The following YAF2 variants were observed in gnomAD, a reference collection of about 807,000 sequenced individuals.
YAF2 encodes YY1 associated factor 2.
A neutral mutation model predicts 20.1 loss-of-function variants in YAF2; 7 were observed. The ratio of observed to expected loss-of-function variants is 0.35; its 90% CI spans 0.20 to 0.65. The LOEUF (loss-of-function observed/expected upper bound fraction) is 0.65, where lower values mean the gene tolerates loss of function less well. Ranked by LOEUF, YAF2 falls within the 30% of genes least tolerant of loss-of-function variation. YAF2 has a pLI of 0.69. For synonymous variants in YAF2, 74 were observed against 76.0 expected, an observed-to-expected ratio of 0.97 and a Z score of 0.14; for missense variants, 151 against 219.2, an observed-to-expected ratio of 0.69 and a Z score of 1.96.
Position 42,230,289 on chromosome 12 carries a change from G to GAAGA in YAF2, c.152+7306_152+7309dup, listed in dbSNP as rs370911719. Among the ~76,000 whole-genome samples, 322 of 150,532 alleles carry GAAGA rather than the reference G, an allele frequency of 2.1e-3. 1 individual carries two copies. Among genetic ancestry groups the GAAGA allele is most frequent in the African/African-American group, 7.3e-3 (298 of 40,836 alleles). ...AGAAAGAGAAGAAAGAGAAGAAAGAGAAGAAAGAAAGAAAGAGAAAGAAAA... is the reference window on the plus strand; with the variant it reads ...AGAAAGAGAAGAAAGAGAAGAAAGAGAAGAAAGAAAGAAAGAAAGAGAAAGAAAA... On this transcript the variant is annotated intron_variant, in intron 2 of 3. Transcript: ENST00000534854.
intron 2 of YAF2, among the ~76,000 whole-genome samples, chr12:42,179,267 C>T (rs143112872): frequency 0.011 from 1,602 of 152,234 alleles, 29 homozygotes; most frequent in African/African-American, 0.037. Flanking sequence ...GTCAGGAGTT[C>T]GAGATCAGCC....
intron 2 of YAF2, among the ~76,000 whole-genome samples, chr12:42,202,931 C>T (rs2066938896): frequency 6.6e-6 from 1 of 152,094 alleles, no homozygotes; most frequent in Non-Finnish European, 1.5e-5. Context: ...GCCACCATGC[C>T]CGGGGCTAAA....
intron 2 of YAF2, among the ~76,000 whole-genome samples, chr12:42,179,927 T>C (rs2066300138): frequency 6.6e-6 from 1 of 152,162 alleles, no homozygotes; most frequent in Admixed American, 6.5e-5. Flanking sequence ...CCATGCCTAG[T>C]TTTAGCTAAA....
At chr12:42,169,711 C>T (rs904695025) in intron 2 of YAF2, among the ~76,000 whole-genome samples, 1 of 152,030 alleles carries the variant, frequency 6.6e-6, no homozygotes, top group Non-Finnish European at 1.5e-5. Flanking sequence ...CCGTGCCCAG[C>T]CAACTTCTTC....
intron 2 of YAF2, among the ~76,000 whole-genome samples, chr12:42,167,421 G>T (rs1281163558): frequency 6.6e-6 from 1 of 152,064 alleles, no homozygotes; most frequent in Non-Finnish European, 1.5e-5. Flanking sequence ...GGACCAAAAG[G>T]TCCATATGGT....
At chr12:42,203,624 T>C (rs894457199) in intron 2 of YAF2, among the ~76,000 whole-genome samples, 3 of 152,014 alleles carry the variant, frequency 2.0e-5, no homozygotes, top group Non-Finnish European at 4.4e-5. Flanking sequence ...TAACATATAG[T>C]TTTACTAAAT....
At chr12:42,197,058 A>G (rs536881873) in intron 2 of YAF2, among the ~76,000 whole-genome samples, 106 of 152,374 alleles carry the variant, frequency 7.0e-4, no homozygotes, top group African/African-American at 2.3e-3. Context: ...GTAAATGTTT[A>G]GTGATGAGCT....
intron 2 of YAF2, among the ~76,000 whole-genome samples, chr12:42,167,185 T>A (rs2065935898): frequency 6.6e-6 from 1 of 152,056 alleles, no homozygotes; most frequent in Non-Finnish European, 1.5e-5. Context: ...AAATACCTAA[T>A]GCATGCGGGG....
chr12:42,221,492 G>C (rs2137305003), intron 2 of YAF2, among the ~76,000 whole-genome samples: 1 of 152,200 alleles, frequency 6.6e-6, no homozygotes, highest in Non-Finnish European at 1.5e-5. Context: ...CCAGGAGTTT[G>C]AAGTTATAGT....
At chr12:42,202,110 C>G (rs186816378) in intron 2 of YAF2, among the ~76,000 whole-genome samples, 6 of 152,206 alleles carry the variant, frequency 3.9e-5, no homozygotes, top group Admixed American at 1.3e-4. Flanking sequence ...AGTTTCCCCC[C>G]CCATCTAGAA....
At chr12:42,162,122 AAAT>A (rs2065812690) in intron 2 of YAF2, among the ~76,000 whole-genome samples, 1 of 152,212 alleles carries the variant, frequency 6.6e-6, no homozygotes, top group East Asian at 1.9e-4. Context: ...GTTTTCACTG[AAAT>A]AATAATTTAT....
intron 2 of YAF2, among the ~76,000 whole-genome samples, chr12:42,188,813 T>C (rs1208648394): frequency 2.0e-5 from 3 of 152,176 alleles, no homozygotes; most frequent in African/African-American, 7.2e-5. Context: ...AAAGCTTCTA[T>C]TACATGCAAG....
At position 42,159,781 on chromosome 12, in the gene YAF2, CTTG is replaced by C. The variant is rs1423627162; in HGVS notation, c.*805_*807del. 1 of 152,374 alleles carries C rather than the reference CTTG, an allele frequency of 6.6e-6. No individual in the cohort carries two copies. Among genetic ancestry groups the C allele is most frequent in the African/African-American group, 2.4e-5 (1 of 41,408 alleles). 9.4% of individuals were successfully genotyped at this position (152,374 alleles called of 1,614,324 possible). ...GTAAAATATGGCAAGTTTCTTTTCT[CTTG>C]TTTTTGCCAAATGCTTATAATTATT... On this transcript the variant is annotated 3_prime_UTR_variant, in exon 4 of 4. Transcript: ENST00000534854.
rs376005827 is a variant in YAF2 at position 42,237,309 on chromosome 12, GA to G, written c.152+289del. ...AACATTTTTATACCCAGAATGGGGA[GA>G]GGGGCATTACACCCAGCGATACGAA... On this transcript the variant is annotated intron_variant, in intron 2 of 3. Transcript: ENST00000534854. 25 of 766,160 alleles carry G rather than the reference GA, an allele frequency of 3.3e-5. No homozygotes were observed. In the Middle Eastern group the frequency reaches 1.7e-3, roughly 51 times the overall value. The allele number at this position is 766,160 out of a possible 1,614,324, so 47.5% of individuals were successfully genotyped here.
intron 2 of YAF2, among the ~76,000 whole-genome samples, chr12:42,201,000 G>T (rs1200015752): frequency 6.6e-6 from 1 of 152,102 alleles, no homozygotes; most frequent in Non-Finnish European, 1.5e-5. Context: ...TTCATAAAGG[G>T]CTTAAAACAA....
chr12:42,235,440 C>T, intron 2 of YAF2: 1 of 1,140,756 alleles, frequency 8.8e-7, no homozygotes, highest in Non-Finnish European at 1.1e-6. Context: ...TACCCTGTTC[C>T]ACACTGTTCT....
chr12:42,215,750 T>C (rs1452627785), intron 2 of YAF2, among the ~76,000 whole-genome samples: 3 of 151,932 alleles, frequency 2.0e-5, no homozygotes, highest in African/African-American at 7.3e-5. Context: ...GGCGAAACCC[T>C]GTCTCTACTA....
intron 2 of YAF2, among the ~76,000 whole-genome samples, chr12:42,186,311 G>A (rs1012175884): frequency 6.6e-6 from 1 of 151,850 alleles, no homozygotes; most frequent in Non-Finnish European, 1.5e-5. Flanking sequence ...TCAAGATGGT[G>A]TCACGGCACT....
At chr12:42,215,927 AAAATAAAT>A (rs67295015) in intron 2 of YAF2, among the ~76,000 whole-genome samples, 12,801 of 144,702 alleles carry the variant, frequency 0.088, 1,000 homozygotes, top group African/African-American at 0.21. Flanking sequence ...TCCAGCTCAA[AAAATAAAT>A]AAATAAATAA....
Sources: gnomAD v4.1 joint callset for allele counts (sites outside exome capture counted in the v4.1 genomes callset) on GRCh38, gnomAD v4.1.1 for gene constraint, MANE v1.5 for transcripts, NCBI Gene and HGNC (gene_info 2026-07-23, HGNC 2026-07-21) for gene names.